FDFT1: variants seen among roughly 807,000 people sequenced by gnomAD.
The protein encoded by FDFT1 is squalene synthase.
Under a neutral mutation model 46.8 loss-of-function variants are expected in FDFT1, and 68 were observed. The observed-to-expected ratio is 1.45, with a 90% CI of 1.19 to 1.78. The LOEUF (loss-of-function observed/expected upper bound fraction) is 1.78. Ranked by LOEUF, FDFT1 falls within the 40% of genes most tolerant of loss-of-function variation. FDFT1 has a pLI of 0.00. For synonymous variants in FDFT1, 351 were observed against 185.1 expected (o/e 1.90, Z -7.28); for missense variants, 928 against 524.4 (o/e 1.77, Z -7.52).
intron 5 of FDFT1, among the ~76,000 whole-genome samples, chr8:11,829,330 A>C (rs1810452401): frequency 6.6e-6 from 1 of 152,232 alleles, no homozygotes; most frequent in South Asian, 2.1e-4. Context: ...GCTTCAGAGA[A>C]TCCTCTAAAT....
chr8:11,808,731 CACTCCCACTCCCACTCCT>C (rs992898098), intron 1 of FDFT1, 45 bp from the exon 2 acceptor site: 8 of 1,575,504 alleles, frequency 5.1e-6, no homozygotes, highest in Admixed American at 1.8e-5. Flanking sequence ...CTCCCACTCC[CACTCCCACTCCCACTCCT>C]GCTCCTCGAC....
At chr8:11,809,551 G>GT (rs1807405180) in intron 2 of FDFT1, 116 bp from the exon 3 acceptor site, 4 of 1,305,360 alleles carry the variant, frequency 3.1e-6, no homozygotes, top group Non-Finnish European at 2.0e-6. Flanking sequence ...TATCCTTATA[G>GT]TTCTTTAGAG....
Position 11,838,714 on chromosome 8 carries a change from C to A in FDFT1, c.*105C>A. The A allele has an allele frequency of 1.1e-6, 1 of 894,844 alleles. No individual in the cohort carries two copies. Among genetic ancestry groups the A allele is most frequent in the South Asian group, 1.4e-5 (1 of 70,712 alleles). The allele number at this position is 894,844 out of a possible 1,614,324, so 55.4% of individuals were successfully genotyped here. On this transcript the variant is annotated 3_prime_UTR_variant, in exon 8 of 8. Transcript: ENST00000220584. ...TATTTTTTTCCTACTACTTTAATCC[C>A]TAAAAGAACGCTGTGTGGCTGGGAC...
chr8:11,802,897 G>T lies in FDFT1; in HGVS notation c.65G>T (p.Gly22Val). ...EFYNLVRFRIGGKRKVMPKMD... is the reference protein window; with the variant it reads ...EFYNLVRFRIVGKRKVMPKMD... The stretch of plus-strand genomic sequence containing the variant: ...TACAACCTGGTGCGCTTCCGGATCG[G>T]GGGCAAGCGGAAGGTGATGCCCAAG... The change falls in exon 1 of 8, where the codon GGG (glycine) becomes GTG (valine). Residue 22 changes from glycine (G) to valine (V), a missense_variant. By Grantham distance (109) the Gly-to-Val change is moderately radical. Coordinates refer to ENST00000220584, the MANE Select transcript of FDFT1 (RefSeq NM_004462.5). 6.2e-7 allele frequency: 1 copy of T among 1,611,552 alleles called. No individual in the cohort carries two copies.
At chr8:11,803,184 C>G (rs891849358) in intron 1 of FDFT1, 84 of 1,412,160 alleles carry the variant, frequency 5.9e-5, no homozygotes, top group Non-Finnish European at 7.8e-5. Flanking sequence ...CCGGTGGTTG[C>G]GCTCCCCGTT....
At chr8:11,831,747 G>C (rs1243649630) in intron 7 of FDFT1, 77 bp downstream of exon 7, 1 of 1,195,748 alleles carries the variant, frequency 8.4e-7, no homozygotes, top group Admixed American at 1.7e-5. Flanking sequence ...AACCAGGTTT[G>C]GATATTAGAT....
At chr8:11,798,094 T>C (rs907894160), upstream of FDFT1, 5 of 152,294 alleles carry the variant, frequency 3.3e-5, no homozygotes, top group African/African-American at 1.2e-4. Context: ...TTTATTTTTT[T>C]GAGACGGAGT....
chr8:11,830,429 G>C lies in FDFT1; in HGVS notation c.879+9G>C, dbSNP rs1293313. ...TCTGTGCTATTCCACAGGTAGGGAA[G>C]GGGGCTCCTCTGGGTGGATACGGGG... On this transcript the variant is annotated intron_variant, in intron 6 of 7. Transcript: ENST00000220584. 1 allele frequency: 1,601,460 copies of C among 1,609,328 alleles called. 797,096 individuals carry two copies. The highest frequency in any genetic ancestry group is 1 in the East Asian group (44,858 of 44,858).
chr8:11,810,498 G>T (rs1261654761), intron 3 of FDFT1, among the ~76,000 whole-genome samples: 2 of 152,216 alleles, frequency 1.3e-5, no homozygotes, highest in Middle Eastern at 3.2e-3. Flanking sequence ...TAAAGTTAGA[G>T]CTGAGAGGAT....
chr8:11,803,373 C>G (rs1055753686), intron 1 of FDFT1: 12 of 1,289,898 alleles, frequency 9.3e-6, no homozygotes, highest in Non-Finnish European at 1.1e-5. Flanking sequence ...CCTCCAGTTT[C>G]ACCACCTCTT....
chr8:11,804,602 T>C (rs935304092), intron 1 of FDFT1, among the ~76,000 whole-genome samples: 3 of 135,072 alleles, frequency 2.2e-5, no homozygotes, highest in African/African-American at 8.8e-5. Context: ...TAGTTTCTCT[T>C]TTTTTTTTTT....
upstream of FDFT1, chr8:11,802,550 C>T (rs1308720772): frequency 1.7e-6 from 1 of 585,548 alleles, no homozygotes; most frequent in East Asian, 3.7e-5. Flanking sequence ...AGAGTGTTAT[C>T]ACGCCAGTCT....
At chr8:11,804,464 ATTTG>A (rs1422204522) in intron 1 of FDFT1, among the ~76,000 whole-genome samples, 1 of 152,066 alleles carries the variant, frequency 6.6e-6, no homozygotes, top group Non-Finnish European at 1.5e-5. Flanking sequence ...ATGGTGCAGT[ATTTG>A]TTATGTTAGT....
chr8:11,803,084 C>T lies in FDFT1; in HGVS notation c.99+153C>T, dbSNP rs190327441. The T allele has an allele frequency of 2.2e-3, 3,132 of 1,441,230 alleles. 9 individuals carry two copies. Among genetic ancestry groups the T allele is most frequent in the Non-Finnish European group, 2.3e-3 (2,565 of 1,102,002 alleles). The allele number at this position is 1,441,230 out of a possible 1,614,324, so 89.3% of individuals were successfully genotyped here. ...CGTCCCCCTTTCCTCGAGCCTTCCC[C>T]CTGTAGGGCCCGGGTGGACGCGGCC... is the stretch of plus-strand genomic sequence containing the variant. On this transcript the variant is annotated intron_variant, in intron 1 of 7. Coordinates refer to ENST00000220584, the MANE Select transcript of FDFT1 (RefSeq NM_004462.5).
intron 4 of FDFT1, among the ~76,000 whole-genome samples, chr8:11,822,219 C>G (rs1236489946): frequency 6.6e-6 from 1 of 152,192 alleles, no homozygotes; most frequent in African/African-American, 2.4e-5. Flanking sequence ...GTTTGTGAGA[C>G]TTACTCATCA....
chr8:11,801,753 G>C (rs578039883), upstream of FDFT1: 27 of 353,484 alleles, frequency 7.6e-5, no homozygotes, highest in Admixed American at 3.9e-4. Flanking sequence ...GAGTGCAGCG[G>C]TGTCATCTTG....
intron 4 of FDFT1, among the ~76,000 whole-genome samples, chr8:11,822,246 G>C (rs972085474): frequency 2.6e-5 from 4 of 152,074 alleles, no homozygotes; most frequent in Non-Finnish European, 5.9e-5. Context: ...TGGAAGTAAA[G>C]ACATTTTATT....
chr8:11,805,883 C>T (rs758750579), intron 1 of FDFT1, among the ~76,000 whole-genome samples: 1 of 152,162 alleles, frequency 6.6e-6, no homozygotes, highest in Admixed American at 6.5e-5. Context: ...GACTATGGGC[C>T]TGTGAGACCT....
chr8:11,802,660 C>T (rs889296376), upstream of FDFT1: 4 of 612,082 alleles, frequency 6.5e-6, no homozygotes, highest in Admixed American at 5.7e-5. Context: ...GCCCCGCTGG[C>T]GGCCGAGGCC....
Sources: allele counts gnomAD v4.1 joint callset (sites outside exome capture counted in the v4.1 genomes callset), GRCh38; gene constraint gnomAD v4.1.1; transcripts MANE v1.5; gene names NCBI Gene and HGNC (gene_info 2026-07-23, HGNC 2026-07-21).